Variants in TBC1D14 observed in about 807,000 individuals in gnomAD.
TBC1D14 encodes the protein TBC1 domain family member 14, also known as TBC1 domain family, member 14.
TBC1D14 carries 26 observed loss-of-function variants against 79.0 expected under a neutral mutation model. The observed-to-expected ratio is 0.33, with a 90% CI of 0.24 to 0.46. The LOEUF is 0.46. TBC1D14 is among the 20% of genes least tolerant of loss of function. The probability of loss-of-function intolerance (pLI) is 1.00; values close to 1 mark genes in which losing one functional copy is unlikely to be tolerated. For synonymous variants in TBC1D14, 394 were observed against 349.9 expected (o/e 1.13, Z -1.40); for missense variants, 769 against 887.6 (o/e 0.87, Z 1.70).
chr4:6,983,143 T>C (rs1227516199), intron 3 of TBC1D14, among the ~76,000 whole-genome samples: 1 of 152,120 alleles, frequency 6.6e-6, no homozygotes, highest in Non-Finnish European at 1.5e-5. Flanking sequence ...GGCTAATTTT[T>C]GTATTTTTAG....
chr4:6,924,020 AC>A lies in TBC1D14; in HGVS notation c.634del (p.Arg212ValfsTer18), dbSNP rs776434047. 1 of 1,614,144 alleles carries A rather than the reference AC, an allele frequency of 6.2e-7. No individual in the cohort carries two copies. The highest frequency in any genetic ancestry group is 2.2e-5 in the East Asian group (1 of 44,882). Reference sequence around the variant, plus strand: ...CGTCACCTTGAGCTCTATCAAGGAAACCCGTGGCTTACACCAGCAGGACTGT... The same window carrying A: ...CGTCACCTTGAGCTCTATCAAGGAAACCGTGGCTTACACCAGCAGGACTGT... The part of the protein sequence containing the change: ...TNVTLSSIKE[T>X]RGLHQQDCVH... On this transcript the variant is annotated frameshift_variant, in exon 2 of 14. Transcript: ENST00000409757. LOFTEE classifies it high-confidence loss of function.
rs557593480 is a variant in TBC1D14, at chr4:6,954,427, T to C, written c.723-12877T>C. 3 of 716,522 alleles carry C rather than the reference T, an allele frequency of 4.2e-6. No homozygotes were observed. In the East Asian group the frequency reaches 8.1e-5, roughly 19 times the overall value. The allele number at this position is 716,522 out of a possible 1,614,324, so 44.4% of individuals were successfully genotyped here. ...TTTCCTGCGTGTAGCTTTGACAGCATGTGACCGTCGGCCTTGGTTGGGCTG... is the reference window on the plus strand; with the variant it reads ...TTTCCTGCGTGTAGCTTTGACAGCACGTGACCGTCGGCCTTGGTTGGGCTG... On this transcript the variant is annotated intron_variant, in intron 2 of 13. Transcript: ENST00000409757.
In TBC1D14 at chr4:6,937,168, C is replaced by T. The variant is rs918579122; in HGVS notation, c.722+13057C>T. On this transcript the variant is annotated intron_variant, in intron 2 of 13. Transcript: ENST00000409757. ...CCGACCTCAGGTGATCTGCCCGCCA[C>T]AACCTCCCAAAGTGTTGGGATTACA... Among the ~76,000 whole-genome samples, 6 of 152,362 alleles carry T rather than the reference C, an allele frequency of 3.9e-5. No homozygotes were observed. The South Asian group carries it at 1.0e-3, about 26-fold the overall frequency.
chr4:6,933,073 C>G (rs1711914341), intron 2 of TBC1D14, among the ~76,000 whole-genome samples: 1 of 151,882 alleles, frequency 6.6e-6, no homozygotes, highest in South Asian at 2.1e-4. Context: ...ACTTGCAGCT[C>G]CTAGAAGTCA....
intron 12 of TBC1D14, among the ~76,000 whole-genome samples, chr4:7,019,320 C>T (rs796533492): frequency 1.3e-5 from 2 of 152,058 alleles, no homozygotes; most frequent in South Asian, 2.1e-4. Flanking sequence ...GCGCCCAGCT[C>T]GAGTTCCCAT....
intron 12 of TBC1D14, among the ~76,000 whole-genome samples, chr4:7,018,106 TG>T (rs892559333): frequency 6.6e-6 from 1 of 152,188 alleles, no homozygotes; most frequent in African/African-American, 2.4e-5. Flanking sequence ...CAGGTTGGTT[TG>T]CCTTCGGGGT....
intron 2 of TBC1D14, among the ~76,000 whole-genome samples, chr4:6,935,079 G>A (rs1211078559): frequency 1.3e-5 from 2 of 152,134 alleles, no homozygotes; most frequent in African/African-American, 4.8e-5. Flanking sequence ...CAGTGATCGC[G>A]CCACTGCATT....
At chr4:6,987,107 C>G in intron 3 of TBC1D14, 1 of 1,162,988 alleles carries the variant, frequency 8.6e-7, no homozygotes, top group Non-Finnish European at 1.1e-6. Flanking sequence ...CCCCTCGCCG[C>G]TCATCAGCCC....
At chr4:6,938,742 G>A (rs759528968) in intron 2 of TBC1D14, among the ~76,000 whole-genome samples, 1 of 152,184 alleles carries the variant, frequency 6.6e-6, no homozygotes, top group Non-Finnish European at 1.5e-5. Context: ...TGTGTGCCTC[G>A]TGGATCCCGC....
chr4:6,959,165 G>T (rs1405750581), intron 2 of TBC1D14, among the ~76,000 whole-genome samples: 1 of 152,148 alleles, frequency 6.6e-6, no homozygotes, highest in African/African-American at 2.4e-5. Flanking sequence ...GATTACAGGC[G>T]TGAGCCACCG....
At chr4:6,985,891 G>A (rs1192555497) in intron 3 of TBC1D14, among the ~76,000 whole-genome samples, 1 of 152,128 alleles carries the variant, frequency 6.6e-6, no homozygotes, top group Non-Finnish European at 1.5e-5. Flanking sequence ...ATGGCTTGAG[G>A]TATAAATAAT....
At chr4:6,978,142 A>G (rs1716979743) in intron 3 of TBC1D14, among the ~76,000 whole-genome samples, 10 of 138,562 alleles carry the variant, frequency 7.2e-5, no homozygotes, top group Middle Eastern at 5.3e-3. Flanking sequence ...CCGCCCGGCT[A>G]GCCGCCCCGT....
chr4:6,968,672 C>CTGGGAGGAGG (rs1352421318), intron 3 of TBC1D14, among the ~76,000 whole-genome samples: 2 of 152,156 alleles, frequency 1.3e-5, no homozygotes, highest in African/African-American at 4.8e-5. Context: ...AGGCTGACCG[C>CTGGGAGGAGG]CGGGAGGAGG....
intron 3 of TBC1D14, among the ~76,000 whole-genome samples, chr4:6,969,988 T>A (rs566675133): frequency 6.6e-6 from 1 of 152,310 alleles, no homozygotes; most frequent in South Asian, 2.1e-4. Flanking sequence ...GGTCAGGGAC[T>A]CAGCACTGTG....
chr4:6,971,527 G>A (rs1716229067), intron 3 of TBC1D14, among the ~76,000 whole-genome samples: 1 of 152,088 alleles, frequency 6.6e-6, no homozygotes, highest in African/African-American at 2.4e-5. Context: ...TTTTCAAATT[G>A]CATAAACATT....
intron 2 of TBC1D14, among the ~76,000 whole-genome samples, chr4:6,925,764 G>A (rs1359733170): frequency 6.6e-6 from 1 of 152,158 alleles, no homozygotes; most frequent in African/African-American, 2.4e-5. Context: ...GCCATATCGC[G>A]GTGTTGCTGT....
At chr4:6,974,963 G>A (rs999176152) in intron 3 of TBC1D14, among the ~76,000 whole-genome samples, 5 of 120,808 alleles carry the variant, frequency 4.1e-5, no homozygotes, top group African/African-American at 1.3e-4. Context: ...CCAGGCTGGA[G>A]TGCAGTGGTG....
chr4:7,006,766 C>T (rs1407389375), intron 9 of TBC1D14, 40 bp downstream of exon 9: 2 of 1,582,018 alleles, frequency 1.3e-6, no homozygotes, highest in Non-Finnish European at 1.7e-6. Flanking sequence ...TATGTTTTGT[C>T]TAAAATTCAT....
intron 3 of TBC1D14, among the ~76,000 whole-genome samples, chr4:6,975,590 CATT>C (rs1356290639): frequency 1.3e-5 from 2 of 152,132 alleles, no homozygotes; most frequent in African/African-American, 4.8e-5. Context: ...TTAAAGCAGT[CATT>C]ATAAAAATGC....
Sources: gnomAD v4.1 joint callset for allele counts (sites outside exome capture counted in the v4.1 genomes callset) on GRCh38, gnomAD v4.1.1 for gene constraint, MANE v1.5 for transcripts, NCBI Gene and HGNC (gene_info 2026-07-23, HGNC 2026-07-21) for gene names.